Variants in PHC3 observed in about 807,000 individuals in gnomAD.
The protein encoded by PHC3 is polyhomeotic homolog 3, also known as polyhomeotic-like protein 3.
A neutral mutation model predicts 107.4 loss-of-function variants in PHC3; 13 were observed. The observed-to-expected ratio is 0.12, with a 90% confidence interval of 0.08 to 0.19. PHC3 has a LOEUF of 0.19. PHC3 is among the 10% of genes least tolerant of loss of function. The pLI, the probability that PHC3 is intolerant of heterozygous loss-of-function variation, is 1.00. For synonymous variants in PHC3, 456 were observed against 427.4 expected (o/e 1.07, Z -0.83); for missense variants, 992 against 1,210.9 (o/e 0.82, Z 2.68).
At chr3:170,113,277 G>C in intron 11 of PHC3, 83 bp downstream of exon 11, 5 of 1,328,978 alleles carry the variant, frequency 3.8e-6, no homozygotes, top group Non-Finnish European at 5.1e-6. Flanking sequence ...GTGAAATTCT[G>C]TACAGAATAA....
At chr3:170,163,906 T>C (rs897584087) in intron 4 of PHC3, among the ~76,000 whole-genome samples, 56 of 120,092 alleles carry the variant, frequency 4.7e-4, no homozygotes, top group African/African-American at 1.5e-3. Flanking sequence ...ATAGTAATAA[T>C]ATAGGAAAGC....
At chr3:170,106,753 T>A (rs1203459846) in intron 12 of PHC3, 79 bp downstream of exon 12, 1 of 746,358 alleles carries the variant, frequency 1.3e-6, no homozygotes, top group Non-Finnish European at 2.1e-6. Flanking sequence ...TTATCCTTGG[T>A]AAGCTATTCA....
At chr3:170,117,677 G>A (rs940495181) in intron 9 of PHC3, among the ~76,000 whole-genome samples, 1 of 152,002 alleles carries the variant, frequency 6.6e-6, no homozygotes, top group Non-Finnish European at 1.5e-5. Context: ...TATAGAGGAG[G>A]GTAGCTTGCT....
At position 170,131,541 on chromosome 3, in the gene PHC3, A is replaced by G. The variant is rs572418933; in HGVS notation, c.920-1989T>C. Among the ~76,000 whole-genome samples, 16 of 152,332 alleles carry G rather than the reference A, an allele frequency of 1.1e-4. No homozygotes were observed. The East Asian group carries it at 2.9e-3, about 27-fold the overall frequency. On this transcript the variant is annotated intron_variant, in intron 7 of 14. Transcript: ENST00000495893. ...GTTGAAGTACCAGTATGGTACTAGA[A>G]TAACAATTCTGGCTGGGCGCAATGG...
In PHC3 at chr3:170,113,523, T is replaced by A. The variant is rs753958295; in HGVS notation, c.2194-4A>T. The A allele has an allele frequency of 2.5e-6, 4 of 1,580,750 alleles. No individual in the cohort carries two copies. Among genetic ancestry groups the A allele is most frequent in the Non-Finnish European group, 2.6e-6 (3 of 1,168,070 alleles). On this transcript the variant is annotated splice_polypyrimidine_tract_variant and splice_region_variant and intron_variant, in intron 10 of 14. Transcript: ENST00000495893. ...TTAGCAAAGAGGAACGACTCACCTT[T>A]AAAAAAGGAGAAATAATAAAATGAA...
At chr3:170,148,995 ATTAAAAATACCTC>A (rs1328295653) in intron 5 of PHC3, 78 bp downstream of exon 5, 2 of 1,313,208 alleles carry the variant, frequency 1.5e-6, no homozygotes, top group East Asian at 5.0e-5. Context: ...TTTCTTAAAT[ATTAAAAATACCTC>A]TTATTGTATC....
Position 170,128,793 on chromosome 3 carries a change from A to G in PHC3, c.1679T>C (p.Leu560Pro), listed in dbSNP as rs1721769455. ...VQNALVSEEE[L>P]PAAEALVQLP... ...CTGGACCAAAGCTTCTGCAGCTGGA[A>G]GTTCCTCTTCTGACACCAAAGCATT... Residue 560 changes from leucine to proline, a missense_variant, in exon 8 of 15, where the codon CTT becomes CCT. By Grantham distance (98) the Leu-to-Pro change is moderately conservative. Around this residue, in one of 6 missense-constraint regions of PHC3, gnomAD observed 543 missense variants for 590.8 expected, o/e 0.92. Coordinates refer to ENST00000495893, the MANE Select transcript of PHC3 (RefSeq NM_024947.4). 3.1e-6 allele frequency: 5 copies of G among 1,613,862 alleles called. No individual in the cohort carries two copies. The highest frequency in any genetic ancestry group is 4.2e-6 in the Non-Finnish European group (5 of 1,179,874).
chr3:170,117,590 A>G, intron 9 of PHC3, 114 bp from the exon 10 acceptor site: 1 of 1,098,948 alleles, frequency 9.1e-7, no homozygotes, highest in Non-Finnish European at 1.3e-6. Context: ...ACTTTCAAAA[A>G]CTGTTCTAAG....
intron 7 of PHC3, among the ~76,000 whole-genome samples, chr3:170,136,130 C>A (rs1265690821): frequency 3.3e-5 from 5 of 152,018 alleles, no homozygotes; most frequent in African/African-American, 1.2e-4. Flanking sequence ...ACAGGCAAAT[C>A]TTTTTTTAAA....
chr3:170,133,204 G>A (rs1722537749), intron 7 of PHC3, among the ~76,000 whole-genome samples: 1 of 148,578 alleles, frequency 6.7e-6, no homozygotes, highest in Non-Finnish European at 1.5e-5. Context: ...TTTTTAGATG[G>A]AGTCTCGCTC....
chr3:170,096,568 C>T lies in PHC3; in HGVS notation c.*662G>A, dbSNP rs751794501. 6.6e-6 allele frequency: 1 copy of T among 152,086 alleles called. No individual in the cohort carries two copies. Among genetic ancestry groups the T allele is most frequent in the African/African-American group, 2.4e-5 (1 of 41,420 alleles). 9.4% of individuals were successfully genotyped at this position (152,086 alleles called of 1,614,324 possible). ...GATCAAAACTGACCTCCACTGAGAA[C>T]CACTGCTCTAAATAAATGTACAAAA... On this transcript the variant is annotated 3_prime_UTR_variant, in exon 15 of 15. Transcript: ENST00000495893.
chr3:170,100,302 G>A (rs1715270062), intron 14 of PHC3, among the ~76,000 whole-genome samples: 1 of 151,730 alleles, frequency 6.6e-6, no homozygotes, highest in Non-Finnish European at 1.5e-5. Context: ...CGCTTAATGA[G>A]AGCTAAAAGA....
rs1327092769 is a variant in PHC3, at chr3:170,089,101, A to C, written c.*8129T>G. On this transcript the variant is annotated 3_prime_UTR_variant, in exon 15 of 15. Coordinates refer to ENST00000495893, the MANE Select transcript of PHC3 (RefSeq NM_024947.4). ...AGAATCTATTGAACCTGGGAGGTGG[A>C]GGTTGCATTGAGCCAAGATCACACC... The C allele has an allele frequency of 1.3e-5, 2 of 152,220 alleles. No individual in the cohort carries two copies. Among genetic ancestry groups the C allele is most frequent in the Non-Finnish European group, 2.9e-5 (2 of 68,066 alleles). The allele number at this position is 152,220 out of a possible 1,614,324, so 9.4% of individuals were successfully genotyped here. A position where few individuals can be genotyped will look rare whatever the true frequency, so the allele number is the denominator to read the frequency against.
intron 9 of PHC3, 84 bp from the exon 10 acceptor site, chr3:170,117,560 A>G: frequency 1.5e-6 from 2 of 1,356,520 alleles, no homozygotes; most frequent in Non-Finnish European, 2.0e-6. Context: ...AATAAATAAT[A>G]ACAACAGTTA....
At chr3:170,101,771 T>G (rs1715517946) in intron 14 of PHC3, among the ~76,000 whole-genome samples, 1 of 151,998 alleles carries the variant, frequency 6.6e-6, no homozygotes, top group South Asian at 2.1e-4. Flanking sequence ...ATATAAAAGA[T>G]TATTGTTGTT....
intron 4 of PHC3, among the ~76,000 whole-genome samples, chr3:170,158,519 C>G (rs1383175502): frequency 6.6e-6 from 1 of 151,946 alleles, no homozygotes; most frequent in Non-Finnish European, 1.5e-5. Context: ...GGAGAAATCG[C>G]TTGAACCTGG....
At chr3:170,161,231 T>C (rs1332671385) in intron 4 of PHC3, among the ~76,000 whole-genome samples, 1 of 152,136 alleles carries the variant, frequency 6.6e-6, no homozygotes, top group Non-Finnish European at 1.5e-5. Context: ...ATTCAGAACT[T>C]GAGATTCAAA....
At chr3:170,139,456 T>C (rs1402691982) in intron 6 of PHC3, among the ~76,000 whole-genome samples, 1 of 152,164 alleles carries the variant, frequency 6.6e-6, no homozygotes, top group Non-Finnish European at 1.5e-5. Flanking sequence ...TGCATAGTAA[T>C]GATAACCAAA....
At chr3:170,129,804 A>T (rs2108469997) in intron 7 of PHC3, among the ~76,000 whole-genome samples, 1 of 151,986 alleles carries the variant, frequency 6.6e-6, no homozygotes, top group South Asian at 2.1e-4. Flanking sequence ...GGTTCAAGCG[A>T]TTCTCCTGTC....
Sources: allele counts gnomAD v4.1 joint callset (sites outside exome capture counted in the v4.1 genomes callset), GRCh38; gene constraint gnomAD v4.1.1; regional missense constraint gnomAD v4.1.1; transcripts MANE v1.5; gene names NCBI Gene and HGNC (gene_info 2026-07-23, HGNC 2026-07-21).